Variants in DACH2 observed in about 807,000 individuals in gnomAD.
The protein encoded by DACH2 is dachshund family transcription factor 2, also known as dachshund homolog 2.
Under a neutral mutation model 35.8 loss-of-function variants are expected in DACH2, and 17 were observed. The observed-to-expected ratio is 0.48, with a 90% CI of 0.33 to 0.71. The LOEUF is 0.71. Ranked by LOEUF, DACH2 falls within the 30% of genes least tolerant of loss-of-function variation. DACH2 has a pLI of 0.02. For missense variants in DACH2, 469 were observed against 472.7 expected (o/e 0.99, Z 0.07); for synonymous variants, 195 against 177.3 (o/e 1.10, Z -0.79).
At chrX:86,741,864 C>T (rs2041659653) in intron 7 of DACH2, among the ~76,000 whole-genome samples, 1 of 111,211 alleles carries the variant, frequency 9.0e-6, no homozygotes, top group Non-Finnish European at 1.9e-5. Flanking sequence ...TGCATTGTTG[C>T]TGTCGCCATG....
chrX:86,361,561 A>G (rs2035739851), intron 1 of DACH2, among the ~76,000 whole-genome samples: 1 of 111,242 alleles, frequency 9.0e-6, no homozygotes, highest in Non-Finnish European at 1.9e-5. Context: ...ATTTAAGTTA[A>G]GTGTTTAGGG....
chrX:86,527,328 A>T (rs1469046936), intron 3 of DACH2, among the ~76,000 whole-genome samples: 1 of 111,714 alleles, frequency 9.0e-6, no homozygotes. Flanking sequence ...CATTTTCTCA[A>T]CCTTTCTATT....
intron 4 of DACH2, among the ~76,000 whole-genome samples, chrX:86,669,842 G>C (rs143098889): frequency 6.5e-4 from 72 of 111,052 alleles, no homozygotes; most frequent in Middle Eastern, 9.3e-3. Flanking sequence ...CAGTAGAGTA[G>C]ATTTCAGTTT....
At chrX:86,406,911 A>G (rs1250804118) in intron 2 of DACH2, among the ~76,000 whole-genome samples, 1 of 112,245 alleles carries the variant, frequency 8.9e-6, no homozygotes, top group Non-Finnish European at 1.9e-5. Flanking sequence ...TTAAATCCAA[A>G]GAAATTTAAA....
chrX:86,572,393 A>G (rs763355961), intron 3 of DACH2, among the ~76,000 whole-genome samples: 5 of 111,744 alleles, frequency 4.5e-5, no homozygotes, highest in Non-Finnish European at 9.4e-5. Flanking sequence ...TTGATGTTGT[A>G]TACTATGAGC....
chrX:86,515,809 G>T (rs1338444465), intron 3 of DACH2, among the ~76,000 whole-genome samples: 1 of 112,358 alleles, frequency 8.9e-6, no homozygotes, highest in Non-Finnish European at 1.9e-5. Context: ...CTGAGTAAAT[G>T]ATCAGAAAAC....
intron 1 of DACH2, among the ~76,000 whole-genome samples, chrX:86,194,942 A>G (rs2031938076): frequency 8.9e-6 from 1 of 112,336 alleles, no homozygotes; most frequent in Admixed American, 9.3e-5. Flanking sequence ...CGTGCCTGCT[A>G]GTAGGGCAGA....
chrX:86,376,577 G>T (rs1374025322), intron 1 of DACH2, among the ~76,000 whole-genome samples: 1 of 110,545 alleles, frequency 9.0e-6, no homozygotes, highest in Non-Finnish European at 1.9e-5. Flanking sequence ...AGTCAATGGG[G>T]ATTATACTAT....
At chrX:86,653,430 C>T (rs1408623958) in intron 4 of DACH2, among the ~76,000 whole-genome samples, 2 of 111,089 alleles carry the variant, frequency 1.8e-5, no homozygotes, top group Non-Finnish European at 3.8e-5. Flanking sequence ...ACTCCCCATT[C>T]CCAGTCTTGC....
At chrX:86,394,586 G>A (rs1267055339) in intron 2 of DACH2, among the ~76,000 whole-genome samples, 2 of 111,614 alleles carry the variant, frequency 1.8e-5, no homozygotes, top group Non-Finnish European at 3.8e-5. Flanking sequence ...AATAGTGAAA[G>A]ATCTTTTGCT....
chrX:86,405,127 G>A (rs1292957645), intron 2 of DACH2, among the ~76,000 whole-genome samples: 1 of 111,538 alleles, frequency 9.0e-6, no homozygotes, highest in Non-Finnish European at 1.9e-5. Flanking sequence ...GTCTGTGATT[G>A]GAGGAGCTGC....
intron 3 of DACH2, among the ~76,000 whole-genome samples, chrX:86,598,287 T>C (rs1410454166): frequency 9.0e-6 from 1 of 111,723 alleles, no homozygotes; most frequent in African/African-American, 3.3e-5. Context: ...TAAAAATGTT[T>C]ATTTTGTCTG....
At chrX:86,462,427 A>G (rs1347618237) in intron 2 of DACH2, among the ~76,000 whole-genome samples, 1 of 111,571 alleles carries the variant, frequency 9.0e-6, no homozygotes, top group East Asian at 2.8e-4. Context: ...GAAAATCTGT[A>G]GGTACTAGTA....
At chrX:86,411,730 G>A (rs2036617700) in intron 2 of DACH2, among the ~76,000 whole-genome samples, 1 of 111,526 alleles carries the variant, frequency 9.0e-6, no homozygotes, top group African/African-American at 3.3e-5. Flanking sequence ...AATAAGGAGG[G>A]AATACTCACG....
chrX:86,779,317 T>C (rs1602938111), intron 7 of DACH2, among the ~76,000 whole-genome samples: 2 of 111,536 alleles, frequency 1.8e-5, no homozygotes, highest in Admixed American at 1.9e-4. Flanking sequence ...CAGATCATTA[T>C]AGCCAGAGAC....
intron 7 of DACH2, among the ~76,000 whole-genome samples, chrX:86,785,085 T>C: frequency 9.0e-6 from 1 of 110,692 alleles, no homozygotes; most frequent in East Asian, 2.9e-4. Flanking sequence ...TGACATGCAA[T>C]TTACCTGTAT....
chrX:86,713,608 C>G (rs1846031953), intron 5 of DACH2, among the ~76,000 whole-genome samples: 1 of 111,508 alleles, frequency 9.0e-6, no homozygotes, highest in Non-Finnish European at 1.9e-5. Flanking sequence ...CAAAATTAGG[C>G]AAGATTACTG....
intron 6 of DACH2, among the ~76,000 whole-genome samples, chrX:86,730,609 A>G (rs2041522088): frequency 1.8e-5 from 2 of 111,825 alleles, no homozygotes; most frequent in Admixed American, 9.5e-5. Flanking sequence ...TTGAATCACT[A>G]TTGTGTATCA....
intron 1 of DACH2, among the ~76,000 whole-genome samples, chrX:86,239,389 T>C (rs1437006382): frequency 8.9e-6 from 1 of 111,756 alleles, no homozygotes; most frequent in African/African-American, 3.3e-5. Context: ...AGGGACAATA[T>C]GTATCTAACA....
Sources: allele counts gnomAD v4.1 joint callset (sites outside exome capture counted in the v4.1 genomes callset), GRCh38; gene constraint gnomAD v4.1.1; transcripts MANE v1.5; gene names NCBI Gene and HGNC (gene_info 2026-07-23, HGNC 2026-07-21).